Variants in IFT52 observed in about 807,000 individuals in gnomAD.
IFT52 encodes intraflagellar transport 52, also known as intraflagellar transport protein 52 homolog.
IFT52 carries 44 observed loss-of-function variants against 54.4 expected under a neutral mutation model. That is an observed-to-expected ratio of 0.81 (90% CI 0.63 to 1.04). IFT52 has a LOEUF of 1.04. Among genes scored for constraint, IFT52 ranks in the 50% least tolerant of loss-of-function variants. The pLI, the probability that IFT52 is intolerant of heterozygous loss-of-function variation, is 0.00. For synonymous variants in IFT52, 181 were observed against 185.3 expected (o/e 0.98, Z 0.19); for missense variants, 452 against 523.6 (o/e 0.86, Z 1.33).
At position 43,623,878 on chromosome 20, in the gene IFT52, T is replaced by C. The variant is rs757310251; in HGVS notation, c.769-13T>C. On this transcript the variant is annotated splice_polypyrimidine_tract_variant and intron_variant, in intron 9 of 13. Coordinates refer to ENST00000373030, the MANE Select transcript of IFT52 (RefSeq NM_016004.5). ...TCTTGCTGTGCTAAAAGGAACCCTC[T>C]TGTGGCTTTCAGATTTCTGACTACA... 4.3e-6 allele frequency: 7 copies of C among 1,613,522 alleles called. No homozygotes were observed. Among genetic ancestry groups the C allele is most frequent in the South Asian group, 1.1e-5 (1 of 90,962 alleles).
intron 10 of IFT52, among the ~76,000 whole-genome samples, chr20:43,635,376 C>T (rs972242134): frequency 5.9e-5 from 9 of 151,954 alleles, no homozygotes; most frequent in African/African-American, 1.9e-4. Context: ...CTGTAACCTC[C>T]GCCTCTTTGG....
At chr20:43,600,847 T>G (rs1601026078) in intron 3 of IFT52, among the ~76,000 whole-genome samples, 1 of 152,018 alleles carries the variant, frequency 6.6e-6, no homozygotes, top group Non-Finnish European at 1.5e-5. Flanking sequence ...GGCAGGCTCC[T>G]GTAGTCACAA....
At chr20:43,619,201 A>G (rs1321567340) in intron 8 of IFT52, among the ~76,000 whole-genome samples, 175 bp downstream of exon 8, 1 of 152,182 alleles carries the variant, frequency 6.6e-6, no homozygotes, top group African/African-American at 2.4e-5. Flanking sequence ...GCTTTGGAAA[A>G]GTTTGTAATA....
intron 6 of IFT52, among the ~76,000 whole-genome samples, chr20:43,609,852 G>C (rs1294056987): frequency 6.6e-6 from 1 of 151,466 alleles, no homozygotes; most frequent in Non-Finnish European, 1.5e-5. Context: ...GGGAGGCTGA[G>C]GCAGGAGAAT....
At chr20:43,596,571 T>C in intron 3 of IFT52, 49 bp downstream of exon 3, 1 of 1,269,856 alleles carries the variant, frequency 7.9e-7, no homozygotes, top group Non-Finnish European at 1.1e-6. Context: ...ATTAGGAGTC[T>C]GAGCTTTGAA....
intron 10 of IFT52, among the ~76,000 whole-genome samples, chr20:43,632,434 T>C (rs189108776): frequency 6.6e-6 from 1 of 151,996 alleles, no homozygotes; most frequent in African/African-American, 2.4e-5. Context: ...CTAATTTTTG[T>C]ATTTTTAATA....
intron 10 of IFT52, among the ~76,000 whole-genome samples, chr20:43,632,835 G>T (rs73907874): frequency 0.014 from 2,077 of 152,242 alleles, 47 homozygotes; most frequent in African/African-American, 0.048. Flanking sequence ...CACAGGAGTT[G>T]CAAGATTCAC....
intron 10 of IFT52, among the ~76,000 whole-genome samples, chr20:43,629,702 C>T (rs1985025950): frequency 6.6e-6 from 1 of 152,168 alleles, no homozygotes; most frequent in Non-Finnish European, 1.5e-5. Context: ...GAAGCTGAGG[C>T]TTGGGACAAT....
chr20:43,634,289 AT>A, intron 10 of IFT52, among the ~76,000 whole-genome samples: 1 of 152,292 alleles, frequency 6.6e-6, no homozygotes, highest in East Asian at 1.9e-4. Flanking sequence ...TATGAGTGAT[AT>A]GGGAAGAATA....
chr20:43,596,450 C>A lies in IFT52; in HGVS notation c.135C>A (p.Ile45=). 1.9e-6 allele frequency: 3 copies of A among 1,595,118 alleles called. No homozygotes were observed. Among genetic ancestry groups the A allele is most frequent in the Non-Finnish European group, 2.6e-6 (3 of 1,168,686 alleles). ...GTATTTCCAGCTTAAAAGATGAAAT[C>A]ACATCTGAGAAGTTAAATGGAGTGA... The part of the protein sequence containing the change: ...NWKIQSLKDE[I]TSEKLNGVKL... The change falls in exon 3 of 14, where the codon ATC becomes ATA. Residue 45 remains isoleucine (I), a synonymous_variant. Transcript: ENST00000373030.
Position 43,636,145 on chromosome 20 carries a change from TA to T in IFT52, c.1011+135del. The T allele has an allele frequency of 6.6e-6, 5 of 761,938 alleles. No homozygotes were observed. In the South Asian group the frequency reaches 8.3e-5, roughly 13 times the overall value. 47.2% of individuals were successfully genotyped at this position (761,938 alleles called of 1,614,324 possible). A position where few individuals can be genotyped will look rare whatever the true frequency, so the allele number is the denominator to read the frequency against. On this transcript the variant is annotated intron_variant, in intron 11 of 13. Coordinates refer to ENST00000373030, the MANE Select transcript of IFT52 (RefSeq NM_016004.5). ...TTGTGGAGTCATAGTGCTCTGTCTCTAAACATGCATGGACACCAAATTTGTT... is the reference window on the plus strand; with the variant it reads ...TTGTGGAGTCATAGTGCTCTGTCTCTAACATGCATGGACACCAAATTTGTT...
chr20:43,618,813 G>A (rs1396775503), intron 7 of IFT52, 127 bp from the exon 8 acceptor site: 1 of 632,010 alleles, frequency 1.6e-6, no homozygotes, highest in African/African-American at 1.9e-5. Flanking sequence ...TTTAAAATCT[G>A]GGTGTGAATT....
At chr20:43,620,998 A>G in intron 9 of IFT52, 73 bp downstream of exon 9, 1 of 1,049,774 alleles carries the variant, frequency 9.5e-7, no homozygotes, top group Non-Finnish European at 1.5e-6. Context: ...CTCACAGCTC[A>G]AAAGGAATAC....
intron 8 of IFT52, 129 bp downstream of exon 8, chr20:43,619,155 G>GA (rs1172199646): frequency 1.2e-5 from 8 of 662,552 alleles, no homozygotes; most frequent in Non-Finnish European, 2.1e-5. Flanking sequence ...CAGGCACTGA[G>GA]AATACAAAGT....
intron 3 of IFT52, among the ~76,000 whole-genome samples, chr20:43,598,219 T>C (rs761174955): frequency 2.6e-5 from 4 of 152,156 alleles, no homozygotes; most frequent in Non-Finnish European, 4.4e-5. Context: ...ATTTCACTTA[T>C]GCAAGCATGA....
At position 43,645,292 on chromosome 20, in the gene IFT52, G is replaced by A. The variant is rs1459598810; in HGVS notation, c.1267-1644G>A. 5.2e-5 allele frequency among the ~76,000 whole-genome samples: 3 copies of A among 58,148 alleles called. 1 individual carries two copies. The highest frequency in any genetic ancestry group is 1.2e-3 in the East Asian group (2 of 1,696). The allele number at this position is 58,148 out of a possible 152,430, so 38.1% of individuals were successfully genotyped here. ...CTTGGGGCCCAGTGCGGTGGCTCAC[G>A]CCTGTAATTAATCCCAGCACTTTGG... On this transcript the variant is annotated intron_variant, in intron 13 of 13. Transcript: ENST00000373030.
rs1555803998 is a variant in IFT52, at chr20:43,620,839, C to CA, written c.700-18_700-17insA. 9 of 1,281,996 alleles carry CA rather than the reference C, an allele frequency of 7.0e-6. No individual in the cohort carries two copies. The Admixed American group carries it at 1.6e-4, about 22-fold the overall frequency. 79.4% of individuals were successfully genotyped at this position (1,281,996 alleles called of 1,614,324 possible). Reference sequence around the variant, plus strand: ...AATAACCAACTGTCCTAATTATATACTTTTTTTTTTAATTTAGGATGTTGT... The same window carrying CA: ...AATAACCAACTGTCCTAATTATATACATTTTTTTTTTAATTTAGGATGTTGT... On this transcript the variant is annotated splice_polypyrimidine_tract_variant and intron_variant, in intron 8 of 13. Coordinates refer to ENST00000373030, the MANE Select transcript of IFT52 (RefSeq NM_016004.5).
chr20:43,635,854 A>C, intron 10 of IFT52, 72 bp from the exon 11 acceptor site: 2 of 1,341,270 alleles, frequency 1.5e-6, no homozygotes, highest in Non-Finnish European at 1.1e-6. Context: ...GGAGAACAAC[A>C]CAGTGTGGTC....
chr20:43,614,775 G>C (rs1416713328), intron 7 of IFT52, among the ~76,000 whole-genome samples: 1 of 151,528 alleles, frequency 6.6e-6, no homozygotes, highest in Non-Finnish European at 1.5e-5. Context: ...GCTAGTCCCA[G>C]GCAGTGACCC....
Sources: gnomAD v4.1 joint callset for allele counts (sites outside exome capture counted in the v4.1 genomes callset) on GRCh38, gnomAD v4.1.1 for gene constraint, MANE v1.5 for transcripts, NCBI Gene and HGNC (gene_info 2026-07-23, HGNC 2026-07-21) for gene names.